The following GLCCI1 variants were observed in gnomAD, a reference collection of about 807,000 sequenced individuals.
GLCCI1 encodes the protein glucocorticoid induced 1.
A neutral mutation model predicts 52.2 loss-of-function variants in GLCCI1; 24 were observed. The ratio of observed to expected loss-of-function variants is 0.46; its 90% confidence interval spans 0.33 to 0.65. GLCCI1 has a LOEUF of 0.65. Ranked by LOEUF, GLCCI1 falls within the 30% of genes least tolerant of loss-of-function variation. The pLI is 0.02. For synonymous variants in GLCCI1, 310 were observed against 276.5 expected (o/e 1.12, Z -1.20); for missense variants, 704 against 701.5 (o/e 1.00, Z -0.04).
intron 2 of GLCCI1, among the ~76,000 whole-genome samples, chr7:8,005,202 A>C (rs1029755824): frequency 3.3e-5 from 5 of 152,176 alleles, no homozygotes; most frequent in African/African-American, 9.7e-5. Context: ...CCATCCTTCT[A>C]GAGGAGTTAG....
At chr7:8,017,409 TAA>T (rs1315626760) in intron 2 of GLCCI1, among the ~76,000 whole-genome samples, 1 of 152,218 alleles carries the variant, frequency 6.6e-6, no homozygotes, top group Admixed American at 6.5e-5. Flanking sequence ...TTTTTTAGTC[TAA>T]CACTGGTTTT....
At position 8,063,756 on chromosome 7, in the gene GLCCI1, C is replaced by T. The variant is rs1175164494; in HGVS notation, c.966+3508C>T. Among the ~76,000 whole-genome samples, 6 of 151,054 alleles carry T rather than the reference C, an allele frequency of 4.0e-5. No homozygotes were observed. In the East Asian group the frequency reaches 1.2e-3, roughly 30 times the overall value. On this transcript the variant is annotated intron_variant, in intron 5 of 7. Coordinates refer to ENST00000223145, the MANE Select transcript of GLCCI1 (RefSeq NM_138426.4). ...ACCTCAGCCTCCTGAGTAGCTGGGA[C>T]TACAGTCCTGTCCCACCACAGCCAG... is the stretch of plus-strand genomic sequence containing the variant.
chr7:8,041,079 G>A (rs566311739), intron 3 of GLCCI1, among the ~76,000 whole-genome samples: 13 of 152,304 alleles, frequency 8.5e-5, no homozygotes, highest in Admixed American at 5.2e-4. Flanking sequence ...TAACCAAGCT[G>A]TGGATGCAAA....
chr7:8,085,931 AAAAGCAAACT>A (rs1783096653), intron 7 of GLCCI1, among the ~76,000 whole-genome samples: 1 of 152,204 alleles, frequency 6.6e-6, no homozygotes. Flanking sequence ...CTAAATAATT[AAAAGCAAACT>A]AATGATCTCT....
chr7:8,045,856 A>G (rs1296112887), intron 3 of GLCCI1, among the ~76,000 whole-genome samples: 3 of 152,120 alleles, frequency 2.0e-5, no homozygotes, highest in Non-Finnish European at 4.4e-5. Context: ...TCCACATAAG[A>G]TGAACCTGCA....
intron 7 of GLCCI1, among the ~76,000 whole-genome samples, chr7:8,085,279 T>A (rs1013023740): frequency 6.6e-6 from 1 of 152,220 alleles, no homozygotes; most frequent in Non-Finnish European, 1.5e-5. Flanking sequence ...TCATTAAGAA[T>A]TGTCATTTCA....
At position 8,087,910 on chromosome 7, in the gene GLCCI1, G is replaced by A. The variant is rs1783152255; in HGVS notation, c.*1372G>A. The A allele has an allele frequency of 6.6e-6, 1 of 152,590 alleles. No individual in the cohort carries two copies. The highest frequency in any genetic ancestry group is 1.5e-5 in the Non-Finnish European group (1 of 68,026). The allele number at this position is 152,590 out of a possible 1,614,324, so 9.5% of individuals were successfully genotyped here. On this transcript the variant is annotated 3_prime_UTR_variant, in exon 8 of 8. Coordinates refer to ENST00000223145, the MANE Select transcript of GLCCI1 (RefSeq NM_138426.4). ...AAGTTCTCCACAAAGTGTGAAGAGA[G>A]CCCCAGGCATTCCTGATTGGTCAAT...
chr7:8,006,411 T>C (rs1400722360), intron 2 of GLCCI1, among the ~76,000 whole-genome samples: 3 of 152,176 alleles, frequency 2.0e-5, no homozygotes, highest in Admixed American at 2.0e-4. Context: ...ACGCTGGATA[T>C]GTTTCTTACA....
intron 3 of GLCCI1, among the ~76,000 whole-genome samples, chr7:8,042,499 A>G: frequency 6.6e-6 from 1 of 152,236 alleles, no homozygotes; most frequent in East Asian, 1.9e-4. Flanking sequence ...TGGTGGAAAT[A>G]GCAAGAGAAC....
chr7:8,046,951 A>C (rs775924152), intron 3 of GLCCI1, among the ~76,000 whole-genome samples: 1 of 152,158 alleles, frequency 6.6e-6, no homozygotes, highest in African/African-American at 2.4e-5. Context: ...TTGGAGATGG[A>C]TGTGTGTCTT....
At position 7,969,568 on chromosome 7, in the gene GLCCI1, T is replaced by C; in HGVS notation, c.218T>C (p.Leu73Ser). ...PIRATVPYQL[L>S]RGSQHSPTRP... Reference sequence around the variant, plus strand: ...CGCGCCACGGTGCCCTACCAGCTCTTGCGGGGCAGCCAGCACAGTCCCACG... The same window carrying C: ...CGCGCCACGGTGCCCTACCAGCTCTCGCGGGGCAGCCAGCACAGTCCCACG... Residue 73 changes from leucine to serine, a missense_variant, in exon 1 of 8, where the codon TTG becomes TCG. This residue lies in a region of GLCCI1 where 547 missense variants were observed against 524.8 expected (regional missense o/e 1.04). Transcript: ENST00000223145. This position sits in a 1 kb window ranked among gnomAD's most constrained non-coding sequence, Gnocchi z 4.9. 9.9e-7 allele frequency: 1 copy of C among 1,010,790 alleles called. No homozygotes were observed. Among genetic ancestry groups the C allele is most frequent in the Non-Finnish European group, 1.2e-6 (1 of 848,160 alleles). 62.6% of individuals were successfully genotyped at this position (1,010,790 alleles called of 1,614,324 possible).
Position 8,009,020 on chromosome 7 carries a change from T to C in GLCCI1, c.609+4961T>C, listed in dbSNP as rs113067078. Reference sequence around the variant, plus strand: ...AGCTTTCTTTTCTGTAAATTGAAGTTAGTAATACCCGATTTGCACATTCAC... The same window carrying C: ...AGCTTTCTTTTCTGTAAATTGAAGTCAGTAATACCCGATTTGCACATTCAC... On this transcript the variant is annotated intron_variant, in intron 2 of 7. Transcript: ENST00000223145. 2.6e-4 allele frequency among the ~76,000 whole-genome samples: 39 copies of C among 152,328 alleles called. 1 individual carries two copies. The highest frequency in any genetic ancestry group is 5.8e-4 in the African/African-American group (24 of 41,568).
At chr7:8,063,240 C>T (rs1039923543) in intron 5 of GLCCI1, among the ~76,000 whole-genome samples, 2 of 152,032 alleles carry the variant, frequency 1.3e-5, no homozygotes, top group African/African-American at 2.4e-5. Context: ...CAGGTCCAAG[C>T]GATTCTCCTG....
chr7:8,000,825 T>C (rs1781037080), intron 1 of GLCCI1, among the ~76,000 whole-genome samples: 1 of 152,190 alleles, frequency 6.6e-6, no homozygotes, highest in Non-Finnish European at 1.5e-5. Flanking sequence ...TCTTTGTTGG[T>C]TTAAAGTCTG....
At position 7,969,272 on chromosome 7, in the gene GLCCI1, G is replaced by C. The variant is rs557687064; in HGVS notation, c.-79G>C. The C allele has an allele frequency of 1.8e-6, 2 of 1,139,064 alleles. No individual in the cohort carries two copies. Among genetic ancestry groups the C allele is most frequent in the South Asian group, 3.7e-5 (2 of 53,448 alleles). 70.6% of individuals were successfully genotyped at this position (1,139,064 alleles called of 1,614,324 possible). A position where few individuals can be genotyped will look rare whatever the true frequency, so the allele number is the denominator to read the frequency against. On this transcript the variant is annotated 5_prime_UTR_variant, in exon 1 of 8. Coordinates refer to ENST00000223145, the MANE Select transcript of GLCCI1 (RefSeq NM_138426.4). This position sits in a 1 kb window ranked among gnomAD's most constrained non-coding sequence, Gnocchi z 4.9. ...CTTACACACTCGCACGCACTATCGC[G>C]CCGGCTCCCACACGCTCGCGCGCCT...
At chr7:8,078,231 G>A (rs199808928) in intron 6 of GLCCI1, among the ~76,000 whole-genome samples, 2,744 of 89,226 alleles carry the variant, frequency 0.031, 96 homozygotes, top group African/African-American at 0.11. Context: ...AAAAAAAAAA[G>A]GCCACTATTT....
intron 3 of GLCCI1, among the ~76,000 whole-genome samples, chr7:8,054,366 G>T (rs553810585): frequency 6.6e-6 from 1 of 152,164 alleles, no homozygotes; most frequent in South Asian, 2.1e-4. Context: ...TTTTATGAGA[G>T]ATCCATAAGC....
intron 4 of GLCCI1, among the ~76,000 whole-genome samples, chr7:8,059,625 G>A (rs914460431): frequency 2.6e-5 from 4 of 152,190 alleles, no homozygotes; most frequent in Non-Finnish European, 4.4e-5. Flanking sequence ...TAATCCAACA[G>A]ATTTTCTGAA....
At chr7:8,003,140 CTTATG>C (rs1781079592) in intron 1 of GLCCI1, among the ~76,000 whole-genome samples, 1 of 152,054 alleles carries the variant, frequency 6.6e-6, no homozygotes, top group African/African-American at 2.4e-5. Context: ...AGGGTTTAAA[CTTATG>C]TTGTGATGGG....
Sources: allele counts gnomAD v4.1 joint callset (sites outside exome capture counted in the v4.1 genomes callset), GRCh38; gene constraint gnomAD v4.1.1; regional missense constraint gnomAD v4.1.1; non-coding constraint Gnocchi (gnomAD v3.1); transcripts MANE v1.5; gene names NCBI Gene and HGNC (gene_info 2026-07-23, HGNC 2026-07-21).